Variants in APBA1 observed in about 807,000 individuals in gnomAD.
APBA1 encodes amyloid beta precursor protein binding family A member 1.
APBA1 carries 55 observed loss-of-function variants against 86.6 expected under a neutral mutation model. The observed-to-expected ratio is 0.64, with a 90% CI of 0.51 to 0.80. The LOEUF is 0.80. APBA1 is among the 30% of genes least tolerant of loss of function. The pLI, the probability that APBA1 is intolerant of heterozygous loss-of-function variation, is 0.00. For missense variants in APBA1, 1,090 were observed against 1,183.0 expected (o/e 0.92, Z 1.15); for synonymous variants, 511 against 493.9 (o/e 1.03, Z -0.46).
rs191814695 is a variant in APBA1 at position 69,588,875 on chromosome 9, A to T, written c.-69-71596T>A. ...ACATTAACAAGGCTACTAAGTAAAT[A>T]AGCAGTACAGTTCTACCTTATATAG... On this transcript the variant is annotated intron_variant, in intron 1 of 12. Transcript: ENST00000265381. 2.9e-4 allele frequency among the ~76,000 whole-genome samples: 44 copies of T among 152,358 alleles called. No homozygotes were observed. The East Asian group carries it at 5.8e-3, about 20-fold the overall frequency.
rs543794982 is a variant in APBA1, at chr9:69,467,949, G to A, written c.1356C>T (p.Pro452=). 85 of 1,614,090 alleles carry A rather than the reference G, an allele frequency of 5.3e-5. 1 individual carries two copies. Among genetic ancestry groups the A allele is most frequent in the South Asian group, 3.8e-4 (35 of 91,076 alleles). The part of the protein sequence containing the change: ...TYVEVPGPCD[P]EDLIDGIIFA... Reference sequence around the variant, plus strand: ...AAATGATTCCATCGATCAAGTCTTCGGGGTCGCAGGGTCCCGGAACTGTAA... The same window carrying A: ...AAATGATTCCATCGATCAAGTCTTCAGGGTCGCAGGGTCCCGGAACTGTAA... Residue 452 remains proline, a synonymous_variant, in exon 5 of 13, where the codon CCC becomes CCT. Transcript: ENST00000265381.
chr9:69,466,978 G>A (rs1835289793), intron 5 of APBA1, among the ~76,000 whole-genome samples: 1 of 152,200 alleles, frequency 6.6e-6, no homozygotes, highest in Non-Finnish European at 1.5e-5. Context: ...AGGGCTCTAG[G>A]TGACAGTGGC....
chr9:69,497,455 C>T (rs956696806), intron 2 of APBA1, among the ~76,000 whole-genome samples: 1 of 152,076 alleles, frequency 6.6e-6, no homozygotes, highest in African/African-American at 2.4e-5. Context: ...ACAGAGGGGA[C>T]CTGGAGGCCA....
chr9:69,450,586 T>C (rs2133807470), intron 9 of APBA1, among the ~76,000 whole-genome samples: 1 of 152,340 alleles, frequency 6.6e-6, no homozygotes, highest in East Asian at 1.9e-4. Context: ...GCCCCTTCCC[T>C]GGAGAACTGT....
intron 10 of APBA1, among the ~76,000 whole-genome samples, chr9:69,442,003 G>C (rs1834832287): frequency 6.6e-6 from 1 of 152,202 alleles, no homozygotes; most frequent in South Asian, 2.1e-4. Context: ...AGCATCTTTA[G>C]AAAACCATCA....
intron 2 of APBA1, among the ~76,000 whole-genome samples, chr9:69,484,100 G>A (rs1835569003): frequency 6.6e-6 from 1 of 152,088 alleles, no homozygotes; most frequent in Non-Finnish European, 1.5e-5. Context: ...GGAAACTGGT[G>A]CAGCTGGATT....
At chr9:69,567,346 C>T (rs917102348) in intron 1 of APBA1, among the ~76,000 whole-genome samples, 1 of 152,106 alleles carries the variant, frequency 6.6e-6, no homozygotes, top group African/African-American at 2.4e-5. Context: ...GCCGCCCCCA[C>T]CGCCATGCAA....
intron 5 of APBA1, among the ~76,000 whole-genome samples, chr9:69,466,168 A>C (rs1462743396): frequency 6.6e-6 from 1 of 152,166 alleles, no homozygotes; most frequent in African/African-American, 2.4e-5. Flanking sequence ...TGGTCAGATC[A>C]GTGGGTGACA....
intron 2 of APBA1, among the ~76,000 whole-genome samples, chr9:69,487,888 C>G (rs1403094123): frequency 1.3e-5 from 2 of 152,152 alleles, no homozygotes; most frequent in Non-Finnish European, 2.9e-5. Flanking sequence ...TGGTCCACAT[C>G]TTTGTCAACT....
At chr9:69,515,208 T>A (rs1836116639) in intron 2 of APBA1, among the ~76,000 whole-genome samples, 1 of 152,200 alleles carries the variant, frequency 6.6e-6, no homozygotes, top group African/African-American at 2.4e-5. Context: ...TGTTTTCCTA[T>A]GACAAGGCCA....
intron 1 of APBA1, among the ~76,000 whole-genome samples, chr9:69,527,760 C>A (rs1012587582): frequency 5.3e-5 from 8 of 152,108 alleles, no homozygotes; most frequent in African/African-American, 1.9e-4. Context: ...ACTGTGTTTG[C>A]TGAAAACACT....
At chr9:69,599,010 C>G (rs763548683) in intron 1 of APBA1, among the ~76,000 whole-genome samples, 18 of 152,102 alleles carry the variant, frequency 1.2e-4, no homozygotes, top group Non-Finnish European at 2.6e-4. Context: ...TATGAGGAAG[C>G]TAGAGTAGTC....
chr9:69,548,124 G>A (rs1399426025), intron 1 of APBA1, among the ~76,000 whole-genome samples: 1 of 152,170 alleles, frequency 6.6e-6, no homozygotes, highest in Non-Finnish European at 1.5e-5. Flanking sequence ...CAAAACATGA[G>A]GAGGACTTGG....
At chr9:69,655,677 TAG>T (rs1554709716) in intron 1 of APBA1, among the ~76,000 whole-genome samples, 2 of 152,082 alleles carry the variant, frequency 1.3e-5, no homozygotes, top group Non-Finnish European at 2.9e-5. Context: ...ACAATCCCTA[TAG>T]AAACACCCAT....
chr9:69,593,005 C>A (rs1053802316), intron 1 of APBA1, among the ~76,000 whole-genome samples: 2 of 152,138 alleles, frequency 1.3e-5, no homozygotes, highest in Non-Finnish European at 2.9e-5. Context: ...GCTTCTGCAA[C>A]AAAACAGTAT....
chr9:69,516,022 T>C lies in APBA1; in HGVS notation c.1189A>G (p.Met397Val). The C allele has an allele frequency of 3.8e-6, 6 of 1,575,258 alleles. No individual in the cohort carries two copies. Among genetic ancestry groups the C allele is most frequent in the Non-Finnish European group, 8.6e-7 (1 of 1,156,922 alleles). ...CCGCACCTACTTACATCTCCGTCCA[T>C]CGGCCTCTGGTCGTCACAGTCCCTG... ...PTRDCDDQRP[M>V]DGDSPSPGSS... Residue 397 changes from methionine (M) to valine (V), a missense_variant, in exon 2 of 13, where the codon ATG becomes GTG. Around this residue, in one of 6 missense-constraint regions of APBA1, gnomAD observed 678 missense variants for 647.1 expected, o/e 1.05. Coordinates refer to ENST00000265381, the MANE Select transcript of APBA1 (RefSeq NM_001163.4). The surrounding 1 kb of genome is among the most constrained non-coding windows in gnomAD (Gnocchi z 7.3).
intron 5 of APBA1, among the ~76,000 whole-genome samples, chr9:69,460,324 C>T (rs1355403835): frequency 6.6e-6 from 1 of 152,170 alleles, no homozygotes; most frequent in Non-Finnish European, 1.5e-5. Context: ...GACTGCTGCA[C>T]ATTACAGTGG....
intron 1 of APBA1, among the ~76,000 whole-genome samples, chr9:69,563,191 T>C (rs980688191): frequency 2.0e-5 from 3 of 152,194 alleles, no homozygotes; most frequent in South Asian, 4.1e-4. Context: ...ATCTGAATCA[T>C]ATATTTTCAC....
intron 10 of APBA1, among the ~76,000 whole-genome samples, chr9:69,443,468 G>A (rs546881779): frequency 7.9e-5 from 12 of 152,284 alleles, no homozygotes; most frequent in African/African-American, 2.2e-4. Flanking sequence ...GGGAAATTTT[G>A]TTTGCCCAGT....
Sources: allele counts gnomAD v4.1 joint callset (sites outside exome capture counted in the v4.1 genomes callset), GRCh38; gene constraint gnomAD v4.1.1; regional missense constraint gnomAD v4.1.1; non-coding constraint Gnocchi (gnomAD v3.1); transcripts MANE v1.5; gene names NCBI Gene and HGNC (gene_info 2026-07-23, HGNC 2026-07-21).